Variants in BTBD9 observed in about 807,000 individuals in gnomAD.
BTBD9 encodes the protein BTB domain containing 9.
In BTBD9, 49 loss-of-function variants were observed where a neutral mutation model predicts 64.3. That is an observed-to-expected ratio of 0.76 (90% CI 0.61 to 0.97). The LOEUF (loss-of-function observed/expected upper bound fraction) is 0.97. BTBD9 is among the 50% of genes least tolerant of loss of function. The pLI, the probability that BTBD9 is intolerant of heterozygous loss-of-function variation, is 0.00. For synonymous variants in BTBD9, 260 were observed against 274.7 expected, an observed-to-expected ratio of 0.95 and a Z score of 0.53; for missense variants, 598 against 762.1, an observed-to-expected ratio of 0.78 and a Z score of 2.53.
At chr6:38,241,964 C>T (rs943295701) in intron 9 of BTBD9, among the ~76,000 whole-genome samples, 5 of 152,068 alleles carry the variant, frequency 3.3e-5, no homozygotes, top group Non-Finnish European at 7.4e-5. Context: ...CTAGATTTGA[C>T]CACTGGTGTA....
intron 7 of BTBD9, among the ~76,000 whole-genome samples, chr6:38,294,624 G>A (rs1221474088): frequency 1.3e-5 from 2 of 152,084 alleles, no homozygotes; most frequent in Non-Finnish European, 2.9e-5. Flanking sequence ...GACACAGGGA[G>A]AGGAACATCA....
chr6:38,465,743 A>ATG (rs1562224692), intron 6 of BTBD9, among the ~76,000 whole-genome samples: 6 of 45,400 alleles, frequency 1.3e-4, no homozygotes, highest in Admixed American at 4.9e-4. Context: ...ATATATATAT[A>ATG]TATATATATA....
At chr6:38,508,333 C>T (rs1439093152) in intron 6 of BTBD9, among the ~76,000 whole-genome samples, 1 of 152,086 alleles carries the variant, frequency 6.6e-6, no homozygotes, top group East Asian at 1.9e-4. Flanking sequence ...CCTCCCATGA[C>T]CCCAGGCTAA....
intron 9 of BTBD9, among the ~76,000 whole-genome samples, chr6:38,204,200 A>T: frequency 6.6e-6 from 1 of 152,182 alleles, no homozygotes; most frequent in East Asian, 1.9e-4. Context: ...GTGTGATATG[A>T]TCCAAAAATT....
chr6:38,379,240 G>A (rs1765825764), intron 6 of BTBD9, among the ~76,000 whole-genome samples: 2 of 152,174 alleles, frequency 1.3e-5, no homozygotes, highest in Admixed American at 1.3e-4. Flanking sequence ...AACATTTTTA[G>A]TGGCTGACTT....
chr6:38,606,176 T>C (rs1172049419), intron 1 of BTBD9, among the ~76,000 whole-genome samples: 2 of 152,200 alleles, frequency 1.3e-5, no homozygotes, highest in Non-Finnish European at 2.9e-5. Flanking sequence ...TCGGGTTCCC[T>C]ACTTTTGAAG....
At chr6:38,328,548 C>T (rs975392308) in intron 7 of BTBD9, among the ~76,000 whole-genome samples, 5 of 139,098 alleles carry the variant, frequency 3.6e-5, no homozygotes, top group Non-Finnish European at 6.0e-5. Context: ...AAATATATTT[C>T]GGCCATTTAA....
At position 38,602,153 on chromosome 6, in the gene BTBD9, T is replaced by C. The variant is rs149574206; in HGVS notation, c.-27-4032A>G. ...AGTCTAGGAGCATCATTTATATAAA[T>C]GTAGCATTTCAATTAAATGGGGGAA... On this transcript the variant is annotated intron_variant, in intron 1 of 10. Transcript: ENST00000481247. Among the ~76,000 whole-genome samples the C allele has an allele frequency of 2.9e-4, 44 of 152,256 alleles. No individual in the cohort carries two copies. In the Middle Eastern group the frequency reaches 0.01, roughly 35 times the overall value.
intron 7 of BTBD9, among the ~76,000 whole-genome samples, chr6:38,293,491 C>T (rs372326707): frequency 3.9e-5 from 6 of 152,234 alleles, no homozygotes; most frequent in African/African-American, 9.6e-5. Context: ...TGGAACAGAA[C>T]AGAGGCCTCA....
At chr6:38,460,331 C>T (rs375683140) in intron 6 of BTBD9, among the ~76,000 whole-genome samples, 79 of 152,186 alleles carry the variant, frequency 5.2e-4, no homozygotes, top group Admixed American at 2.5e-3. Context: ...TCAAACCAGT[C>T]TGCCCCTTAT....
chr6:38,573,447 A>G (rs936159046), intron 6 of BTBD9, among the ~76,000 whole-genome samples: 4 of 152,170 alleles, frequency 2.6e-5, no homozygotes, highest in African/African-American at 9.7e-5. Context: ...TAAATTGTCA[A>G]TTTACACCCA....
chr6:38,559,544 C>T (rs2127455417), intron 6 of BTBD9, among the ~76,000 whole-genome samples: 1 of 152,206 alleles, frequency 6.6e-6, no homozygotes, highest in African/African-American at 2.4e-5. Flanking sequence ...ATCAAAGTAT[C>T]AACATCATTT....
chr6:38,562,660 T>C (rs1027991384), intron 6 of BTBD9, among the ~76,000 whole-genome samples: 4 of 152,204 alleles, frequency 2.6e-5, no homozygotes, highest in Non-Finnish European at 5.9e-5. Context: ...GTATCTCTAA[T>C]ATGTGTTGTT....
At chr6:38,375,155 T>C (rs752948323) in intron 6 of BTBD9, among the ~76,000 whole-genome samples, 2 of 152,192 alleles carry the variant, frequency 1.3e-5, no homozygotes, top group Non-Finnish European at 2.9e-5. Context: ...ATGCAAGAAA[T>C]GCTATTGAGT....
chr6:38,485,129 T>A (rs1394540783), intron 6 of BTBD9, among the ~76,000 whole-genome samples: 1 of 152,218 alleles, frequency 6.6e-6, no homozygotes, highest in Admixed American at 6.5e-5. Flanking sequence ...ATTCACTGCA[T>A]CTTCACCAGG....
At position 38,319,644 on chromosome 6, in the gene BTBD9, G is replaced by A. The variant is rs547642375; in HGVS notation, c.1264+25340C>T. 5.3e-4 allele frequency among the ~76,000 whole-genome samples: 81 copies of A among 151,914 alleles called. 3 individuals are homozygous for A. The highest frequency in any genetic ancestry group is 1.9e-3 in the South Asian group (9 of 4,800). On this transcript the variant is annotated intron_variant, in intron 7 of 10. Transcript: ENST00000481247. ...TCTGCCCAGTGTCCTATTCTACTGT[G>A]GATGAGCTGGTATTCAAGGTGCAAA...
chr6:38,275,313 G>A (rs1488555726), intron 8 of BTBD9, among the ~76,000 whole-genome samples: 3 of 151,844 alleles, frequency 2.0e-5, no homozygotes, highest in Middle Eastern at 3.2e-3. Context: ...AGCTGAAACT[G>A]GATCCCTTCC....
In BTBD9 at chr6:38,234,657, A is replaced by C. The variant is rs370497882; in HGVS notation, c.1562+21752T>G. Among the ~76,000 whole-genome samples, 291 of 152,336 alleles carry C rather than the reference A, an allele frequency of 1.9e-3. 3 individuals are homozygous for C. The highest frequency in any genetic ancestry group is 6.7e-3 in the African/African-American group (278 of 41,578). Reference sequence around the variant, plus strand: ...AAACAGCCCTTGGAGCCCAGCACCAAGCCTTGTTTTAGGAATGGCATCTTA... The same window carrying C: ...AAACAGCCCTTGGAGCCCAGCACCACGCCTTGTTTTAGGAATGGCATCTTA... On this transcript the variant is annotated intron_variant, in intron 9 of 10. Coordinates refer to ENST00000481247, the MANE Select transcript of BTBD9 (RefSeq NM_001099272.2).
At chr6:38,598,734 A>C (rs1315674332) in intron 1 of BTBD9, among the ~76,000 whole-genome samples, 1 of 152,002 alleles carries the variant, frequency 6.6e-6, no homozygotes, top group Non-Finnish European at 1.5e-5. Flanking sequence ...CCTGACCAAC[A>C]TGGAGAAACC....
Sources: gnomAD v4.1 joint callset for allele counts (sites outside exome capture counted in the v4.1 genomes callset) on GRCh38, gnomAD v4.1.1 for gene constraint, MANE v1.5 for transcripts, NCBI Gene and HGNC (gene_info 2026-07-23, HGNC 2026-07-21) for gene names.